The following GPC5 variants were observed in gnomAD, a reference collection of about 807,000 sequenced individuals.
GPC5 encodes glypican-5.
GPC5 carries 47 observed loss-of-function variants against 53.9 expected under a neutral mutation model. The ratio of observed to expected loss-of-function variants is 0.87; its 90% CI spans 0.69 to 1.11. GPC5 has a LOEUF of 1.11. Ranked by LOEUF, GPC5 falls within the 50% of genes most tolerant of loss-of-function variation. The pLI is 0.00. For synonymous variants in GPC5, 286 were observed against 263.3 expected (o/e 1.09, Z -0.84); for missense variants, 748 against 713.1 (o/e 1.05, Z -0.56).
chr13:92,042,931 G>A (rs1390064637), intron 6 of GPC5, among the ~76,000 whole-genome samples: 1 of 152,154 alleles, frequency 6.6e-6, no homozygotes. Flanking sequence ...ATTAAAAAGA[G>A]CCAAATGGAA....
chr13:92,829,042 G>A (rs1375791063), intron 7 of GPC5, among the ~76,000 whole-genome samples: 1 of 152,084 alleles, frequency 6.6e-6, no homozygotes, highest in East Asian at 1.9e-4. Flanking sequence ...GCACCCTCCC[G>A]AGACGTTTAC....
intron 7 of GPC5, among the ~76,000 whole-genome samples, chr13:92,660,487 A>G (rs1886300051): frequency 6.6e-6 from 1 of 152,078 alleles, no homozygotes; most frequent in Admixed American, 6.5e-5. Context: ...ACATACATGT[A>G]TATATACATA....
chr13:91,701,768 C>T (rs2035997874), intron 3 of GPC5, among the ~76,000 whole-genome samples: 1 of 152,038 alleles, frequency 6.6e-6, no homozygotes, highest in South Asian at 2.1e-4. Flanking sequence ...GGAGTTCAGA[C>T]ATCTCTTCCA....
chr13:91,564,787 C>T lies in GPC5; in HGVS notation c.325+115865C>T, dbSNP rs528223361. Among the ~76,000 whole-genome samples the T allele has an allele frequency of 9.9e-4, 150 of 152,078 alleles. 1 individual carries two copies. The highest frequency in any genetic ancestry group is 9.3e-3 in the South Asian group (45 of 4,826). On this transcript the variant is annotated intron_variant, in intron 2 of 7. Coordinates refer to ENST00000377067, the MANE Select transcript of GPC5 (RefSeq NM_004466.6). Reference sequence around the variant, plus strand: ...GTCTAAAAATTATCAGGCATATTATCGATTTTTGTTTAGTCTTTAAGTGAT... The same window carrying T: ...GTCTAAAAATTATCAGGCATATTATTGATTTTTGTTTAGTCTTTAAGTGAT...
In GPC5 at chr13:92,196,762, G is replaced by C. The variant is rs555736211; in HGVS notation, c.1561+51773G>C. 2.5e-3 allele frequency among the ~76,000 whole-genome samples: 378 copies of C among 151,936 alleles called. 2 individuals are homozygous for C. Among genetic ancestry groups the C allele is most frequent in the Non-Finnish European group, 4.1e-3 (276 of 67,986 alleles). ...ATCCATGTCAGACGCAGGGTAACTG[G>C]GAGAGCTTTCAATATCAACAGCAGC... On this transcript the variant is annotated intron_variant, in intron 7 of 7. Coordinates refer to ENST00000377067, the MANE Select transcript of GPC5 (RefSeq NM_004466.6).
chr13:91,501,386 C>T (rs1470896150), intron 2 of GPC5, among the ~76,000 whole-genome samples: 1 of 151,784 alleles, frequency 6.6e-6, no homozygotes, highest in Non-Finnish European at 1.5e-5. Flanking sequence ...CAAATGCTAT[C>T]CCTACCCCCT....
chr13:91,442,688 G>A (rs879346422), intron 1 of GPC5, among the ~76,000 whole-genome samples: 1 of 152,164 alleles, frequency 6.6e-6, no homozygotes, highest in Admixed American at 6.6e-5. Flanking sequence ...GCTGGATTCA[G>A]AGACAAGATC....
At chr13:91,711,021 T>A (rs2036213711) in intron 3 of GPC5, among the ~76,000 whole-genome samples, 1 of 152,186 alleles carries the variant, frequency 6.6e-6, no homozygotes, top group African/African-American at 2.4e-5. Context: ...GTAAATTAGT[T>A]CACCATTGTG....
At chr13:91,990,464 C>G (rs143546289) in intron 6 of GPC5, among the ~76,000 whole-genome samples, 3 of 152,050 alleles carry the variant, frequency 2.0e-5, no homozygotes, top group African/African-American at 7.2e-5. Flanking sequence ...ATAGTAAGCA[C>G]TCAGGAAATG....
intron 7 of GPC5, among the ~76,000 whole-genome samples, chr13:92,418,055 G>A (rs1263816240): frequency 6.6e-6 from 1 of 152,086 alleles, no homozygotes; most frequent in South Asian, 2.1e-4. Context: ...AGACAGAAAA[G>A]GTCAAATATA....
chr13:92,481,274 G>T (rs1022955038), intron 7 of GPC5, among the ~76,000 whole-genome samples: 14 of 151,818 alleles, frequency 9.2e-5, no homozygotes, highest in Non-Finnish European at 1.8e-4. Context: ...CTAATGTTTT[G>T]TATTTTTAGT....
At chr13:92,067,422 A>C (rs1460723288) in intron 6 of GPC5, among the ~76,000 whole-genome samples, 1 of 152,026 alleles carries the variant, frequency 6.6e-6, no homozygotes, top group African/African-American at 2.4e-5. Flanking sequence ...GTATGCAAAC[A>C]AAATGTGTAT....
intron 1 of GPC5, among the ~76,000 whole-genome samples, chr13:91,424,734 C>T (rs1348670644): frequency 6.6e-6 from 1 of 152,122 alleles, no homozygotes; most frequent in Non-Finnish European, 1.5e-5. Flanking sequence ...CCATGACTAG[C>T]ATCCCAAGGG....
intron 7 of GPC5, among the ~76,000 whole-genome samples, chr13:92,481,916 G>T (rs1477017351): frequency 6.6e-6 from 1 of 152,004 alleles, no homozygotes; most frequent in Non-Finnish European, 1.5e-5. Flanking sequence ...ATCACCTGAG[G>T]TCAGGAGTTT....
chr13:91,780,002 A>C (rs954664491), intron 5 of GPC5, among the ~76,000 whole-genome samples: 1 of 152,232 alleles, frequency 6.6e-6, no homozygotes, highest in Non-Finnish European at 1.5e-5. Context: ...TATACTGTAT[A>C]TAATTGCATG....
intron 2 of GPC5, among the ~76,000 whole-genome samples, chr13:91,648,342 A>G (rs1215641299): frequency 6.6e-6 from 1 of 151,530 alleles, no homozygotes; most frequent in Non-Finnish European, 1.5e-5. Flanking sequence ...TACTGTTTTT[A>G]ATTGTATTAA....
At chr13:92,666,158 A>C (rs1438591271) in intron 7 of GPC5, among the ~76,000 whole-genome samples, 1 of 152,214 alleles carries the variant, frequency 6.6e-6, no homozygotes, top group Non-Finnish European at 1.5e-5. Context: ...TACAAAGAAC[A>C]AATTTCATTA....
intron 6 of GPC5, among the ~76,000 whole-genome samples, chr13:92,140,806 G>A (rs1172454537): frequency 6.6e-6 from 1 of 152,190 alleles, no homozygotes; most frequent in Non-Finnish European, 1.5e-5. Context: ...TAGTGGAGAT[G>A]AGCAGTTTTA....
intron 5 of GPC5, among the ~76,000 whole-genome samples, chr13:91,821,785 G>A (rs1296187295): frequency 6.6e-6 from 1 of 152,046 alleles, no homozygotes; most frequent in Non-Finnish European, 1.5e-5. Context: ...GACATTACAT[G>A]TGATCCTTTT....
Sources: allele counts gnomAD v4.1 joint callset (sites outside exome capture counted in the v4.1 genomes callset), GRCh38; gene constraint gnomAD v4.1.1; transcripts MANE v1.5; gene names NCBI Gene and HGNC (gene_info 2026-07-23, HGNC 2026-07-21).